The following THSD7B variants were observed in gnomAD, a reference collection of about 807,000 sequenced individuals.
THSD7B encodes the protein thrombospondin type 1 domain containing 7B.
THSD7B carries 138 observed loss-of-function variants against 213.6 expected under a neutral mutation model. That is an observed-to-expected ratio of 0.65 (90% CI 0.56 to 0.74). The LOEUF (loss-of-function observed/expected upper bound fraction) is 0.74, where lower values mean the gene tolerates loss of function less well. Among genes scored for constraint, THSD7B ranks in the 30% least tolerant of loss-of-function variants. The pLI is 0.00. For synonymous variants in THSD7B, 742 were observed against 687.0 expected (o/e 1.08, Z -1.25); for missense variants, 1,931 against 1,991.5 (o/e 0.97, Z 0.58).
intron 5 of THSD7B, among the ~76,000 whole-genome samples, chr2:137,122,230 T>C (rs1259291789): frequency 6.6e-6 from 1 of 152,174 alleles, no homozygotes; most frequent in Non-Finnish European, 1.5e-5. Flanking sequence ...TCTATCAGTG[T>C]TACTTTTGAC....
intron 1 of THSD7B, among the ~76,000 whole-genome samples, chr2:136,776,153 G>T (rs1035685084): frequency 6.6e-6 from 1 of 152,044 alleles, no homozygotes; most frequent in Non-Finnish European, 1.5e-5. Context: ...TGAATCTGTG[G>T]GGTTTTATAG....
At chr2:137,308,182 A>G (rs1443272378) in intron 12 of THSD7B, among the ~76,000 whole-genome samples, 2 of 151,982 alleles carry the variant, frequency 1.3e-5, no homozygotes, top group Non-Finnish European at 2.9e-5. Flanking sequence ...ACTCACACTC[A>G]TAAACTCATA....
At chr2:137,656,535 AT>A (rs1233459482) in intron 22 of THSD7B, among the ~76,000 whole-genome samples, 1 of 152,176 alleles carries the variant, frequency 6.6e-6, no homozygotes, top group Non-Finnish European at 1.5e-5. Context: ...GATACATAAT[AT>A]TTTCTAGATG....
At position 137,450,960 on chromosome 2, in the gene THSD7B, A is replaced by G. The variant is rs1194821142; in HGVS notation, c.3075A>G (p.Lys1025=). ...GAATTGGAGTGAGAATTCGATCCAA[A>G]TGGCTAAAAGAAAAACCTTACAATG... ...SCGIGVRIRS[K]WLKEKPYNGG... Residue 1025 remains lysine (K), a synonymous_variant, in exon 15 of 28, where the codon AAA becomes AAG. Transcript: ENST00000409968. 1.9e-6 allele frequency: 3 copies of G among 1,612,846 alleles called. No individual in the cohort carries two copies. The highest frequency in any genetic ancestry group is 2.5e-6 in the Non-Finnish European group (3 of 1,179,266).
At chr2:137,100,669 T>A (rs1688134010) in intron 4 of THSD7B, among the ~76,000 whole-genome samples, 1 of 152,026 alleles carries the variant, frequency 6.6e-6, no homozygotes. Context: ...TAAATGAAGG[T>A]TAAAATGTGG....
chr2:137,516,136 A>G (rs1680063324), intron 15 of THSD7B, among the ~76,000 whole-genome samples: 1 of 152,270 alleles, frequency 6.6e-6, no homozygotes, highest in East Asian at 1.9e-4. Flanking sequence ...GCAGAGGCAA[A>G]GCAGCAGTTA....
intron 7 of THSD7B, among the ~76,000 whole-genome samples, chr2:137,229,179 C>G (rs1681583276): frequency 6.6e-6 from 1 of 152,182 alleles, no homozygotes; most frequent in South Asian, 2.1e-4. Flanking sequence ...CATAAAACCC[C>G]TACAAATATC....
chr2:137,609,102 A>G (rs901013839), intron 17 of THSD7B, among the ~76,000 whole-genome samples: 1 of 152,162 alleles, frequency 6.6e-6, no homozygotes, highest in African/African-American at 2.4e-5. Context: ...TATTCTCTCT[A>G]CTTGAGACAA....
chr2:137,334,688 T>G (rs1409406462), intron 12 of THSD7B, among the ~76,000 whole-genome samples: 1 of 152,148 alleles, frequency 6.6e-6, no homozygotes, highest in African/African-American at 2.4e-5. Context: ...GAATGCATTT[T>G]CCCCATACAG....
intron 12 of THSD7B, among the ~76,000 whole-genome samples, chr2:137,372,934 G>T (rs1202489786): frequency 9.0e-5 from 13 of 145,144 alleles, no homozygotes; most frequent in Non-Finnish European, 1.5e-5. Flanking sequence ...ACCTATGAGT[G>T]TGAATATGTG....
intron 9 of THSD7B, among the ~76,000 whole-genome samples, chr2:137,242,075 A>G (rs1396497994): frequency 6.6e-6 from 1 of 152,164 alleles, no homozygotes; most frequent in East Asian, 1.9e-4. Flanking sequence ...TTTGTAGAAT[A>G]TTGCTAAATT....
intron 1 of THSD7B, among the ~76,000 whole-genome samples, chr2:136,831,470 C>T (rs957564938): frequency 2.6e-5 from 4 of 152,248 alleles, no homozygotes; most frequent in Admixed American, 1.3e-4. Context: ...GATTTTTGGG[C>T]CTCCCAGAGG....
intron 15 of THSD7B, among the ~76,000 whole-genome samples, chr2:137,548,399 A>G (rs1048495703): frequency 6.6e-6 from 1 of 152,008 alleles, no homozygotes; most frequent in African/African-American, 2.4e-5. Context: ...AGTGATGATC[A>G]TTATTCCATA....
intron 5 of THSD7B, among the ~76,000 whole-genome samples, chr2:137,137,478 C>G (rs1679488665): frequency 6.6e-6 from 1 of 152,180 alleles, no homozygotes; most frequent in African/African-American, 2.4e-5. Flanking sequence ...ACTGTACTTT[C>G]TGCTAAACTT....
At chr2:137,346,128 T>G (rs1684870102) in intron 12 of THSD7B, among the ~76,000 whole-genome samples, 1 of 151,600 alleles carries the variant, frequency 6.6e-6, no homozygotes, top group Admixed American at 6.6e-5. Context: ...TTTACCATAC[T>G]AAACATTTTA....
In THSD7B at chr2:137,148,699, A is replaced by G. The variant is rs1679756882; in HGVS notation, c.1370-11514A>G. On this transcript the variant is annotated intron_variant, in intron 5 of 27. Coordinates refer to ENST00000409968, the MANE Select transcript of THSD7B (RefSeq NM_001316349.2). ...GTCACTTTTGGTATGCAAAGAGACTAGTGGCATTTTGTCCCTGCCCTAGAG... is the reference window on the plus strand; with the variant it reads ...GTCACTTTTGGTATGCAAAGAGACTGGTGGCATTTTGTCCCTGCCCTAGAG... Among the ~76,000 whole-genome samples, 3 of 152,296 alleles carry G rather than the reference A, an allele frequency of 2.0e-5. No homozygotes were observed. In the South Asian group the frequency reaches 6.2e-4, roughly 32 times the overall value.
Position 137,056,659 on chromosome 2 carries a change from C to G in THSD7B, c.379C>G (p.Arg127Gly), listed in dbSNP as rs561877625. 3 of 1,613,958 alleles carry G rather than the reference C, an allele frequency of 1.9e-6. No homozygotes were observed. Among genetic ancestry groups the G allele is most frequent in the Admixed American group, 1.7e-5 (1 of 60,024 alleles). The change falls in exon 3 of 28, where the codon CGG becomes GGG. Residue 127 changes from arginine (R) to glycine (G), a missense_variant. Arg to Gly is a moderately radical substitution (Grantham distance 125). Coordinates refer to ENST00000409968, the MANE Select transcript of THSD7B (RefSeq NM_001316349.2). The stretch of plus-strand genomic sequence containing the variant: ...TTACGCTCGCGGTGAAGTCAAGCCT[C>G]GGACTGCAGAGTGTGTGACGGCTCA... Reference protein sequence around the residue: ...VPYARGEVKPRTAECVTAQHG... With the variant: ...VPYARGEVKPGTAECVTAQHG...
intron 2 of THSD7B, among the ~76,000 whole-genome samples, chr2:136,922,261 A>G (rs1231666341): frequency 1.3e-5 from 2 of 152,182 alleles, no homozygotes; most frequent in Non-Finnish European, 2.9e-5. Flanking sequence ...GTCGAACAGT[A>G]TTATGTCACA....
intron 2 of THSD7B, among the ~76,000 whole-genome samples, chr2:136,945,478 G>C (rs1684920748): frequency 6.6e-6 from 1 of 152,088 alleles, no homozygotes; most frequent in African/African-American, 2.4e-5. Flanking sequence ...GAGTATCTTT[G>C]TGGTATTCTC....
Sources: gnomAD v4.1 joint callset for allele counts (sites outside exome capture counted in the v4.1 genomes callset) on GRCh38, gnomAD v4.1.1 for gene constraint, MANE v1.5 for transcripts, NCBI Gene and HGNC (gene_info 2026-07-23, HGNC 2026-07-21) for gene names.